Variants in FMN1 observed in about 807,000 individuals in gnomAD.
FMN1 encodes the protein formin 1, also known as formin-1.
Under a neutral mutation model 132.4 loss-of-function variants are expected in FMN1, and 110 were observed. That is an observed-to-expected ratio of 0.83 (90% CI 0.71 to 0.97). The LOEUF is 0.97. Among genes scored for constraint, FMN1 ranks in the 50% least tolerant of loss-of-function variants. The probability of loss-of-function intolerance (pLI) is 0.00; values close to 1 mark genes in which losing one functional copy is unlikely to be tolerated. For synonymous variants in FMN1, 722 were observed against 651.7 expected, an observed-to-expected ratio of 1.11 and a Z score of -1.64; for missense variants, 1,792 against 1,705.3, an observed-to-expected ratio of 1.05 and a Z score of -0.90.
intron 6 of FMN1, chr15:33,062,838 T>A (rs2037548666): frequency 6.6e-6 from 1 of 152,172 alleles, no homozygotes; most frequent in South Asian, 2.1e-4. Flanking sequence ...TATGAGAGAT[T>A]TTCTGAGATC....
intron 7 of FMN1, among the ~76,000 whole-genome samples, chr15:32,983,300 T>C (rs2032826785): frequency 6.6e-6 from 1 of 152,192 alleles, no homozygotes; most frequent in African/African-American, 2.4e-5. Flanking sequence ...TATGACGTTC[T>C]GGTAAAATCA....
chr15:33,029,522 A>T (rs2035837670), intron 6 of FMN1, among the ~76,000 whole-genome samples: 1 of 152,174 alleles, frequency 6.6e-6, no homozygotes, highest in Admixed American at 6.5e-5. Context: ...AAATCCACAC[A>T]GTGGCAGAAC....
At position 33,057,239 on chromosome 15, in the gene FMN1, A is replaced by G. The variant is rs985581686; in HGVS notation, c.2161+7718T>C. On this transcript the variant is annotated intron_variant, in intron 6 of 20. Coordinates refer to ENST00000616417, the MANE Select transcript of FMN1 (RefSeq NM_001277313.2). ...TTAGGATAGTGGTTTTCTTTGACGG[A>G]AAGGGAAATTGTAGCAATTGGAAGG... Among the ~76,000 whole-genome samples the G allele has an allele frequency of 1.4e-4, 22 of 152,158 alleles. 1 individual carries two copies. The highest frequency in any genetic ancestry group is 1.2e-3 in the Admixed American group (19 of 15,266).
At chr15:33,067,541 G>C (rs747551785) in intron 5 of FMN1, 1 of 1,613,972 alleles carries the variant, frequency 6.2e-7, no homozygotes, top group Admixed American at 1.7e-5. Context: ...AGCAAGGAGA[G>C]ATGTCCCTGC....
Position 33,186,489 on chromosome 15 carries a change from C to CA in FMN1, c.-196-6228dup, listed in dbSNP as rs34557769. On this transcript the variant is annotated intron_variant, in intron 2 of 20. Coordinates refer to ENST00000616417, the MANE Select transcript of FMN1 (RefSeq NM_001277313.2). Reference sequence around the variant, plus strand: ...AGTGCTGACAGTTTTAAATGTTCCTCAAAAAAAAAAATAAATAAAAGTGAA... The same window carrying CA: ...AGTGCTGACAGTTTTAAATGTTCCTCAAAAAAAAAAAATAAATAAAAGTGAA... Among the ~76,000 whole-genome samples, 703 of 148,132 alleles carry CA rather than the reference C, an allele frequency of 4.7e-3. 6 individuals carry two copies. The highest frequency in any genetic ancestry group is 0.012 in the African/African-American group (499 of 40,184).
At chr15:32,827,709 T>C (rs972996426) in intron 17 of FMN1, among the ~76,000 whole-genome samples, 1 of 152,000 alleles carries the variant, frequency 6.6e-6, no homozygotes, top group Non-Finnish European at 1.5e-5. Flanking sequence ...CCTGGCGTGG[T>C]GGCGGGCACC....
At chr15:32,842,090 T>C (rs2058757653) in intron 17 of FMN1, among the ~76,000 whole-genome samples, 1 of 152,218 alleles carries the variant, frequency 6.6e-6, no homozygotes, top group Non-Finnish European at 1.5e-5. Flanking sequence ...TGGACTGGAC[T>C]GTGACTTCTC....
chr15:32,786,414 G>A (rs2056879805), intron 19 of FMN1, among the ~76,000 whole-genome samples: 1 of 152,058 alleles, frequency 6.6e-6, no homozygotes, highest in African/African-American at 2.4e-5. Context: ...TGCTCTACCA[G>A]TCATTATCAG....
chr15:33,118,725 A>G (rs539092777), intron 4 of FMN1, among the ~76,000 whole-genome samples: 146 of 152,256 alleles, frequency 9.6e-4, no homozygotes, highest in South Asian at 3.1e-3. Flanking sequence ...AAATATTTTC[A>G]CCTATTTTGG....
chr15:32,807,071 C>T (rs187538352), intron 17 of FMN1, among the ~76,000 whole-genome samples: 1 of 152,268 alleles, frequency 6.6e-6, no homozygotes, highest in African/African-American at 2.4e-5. Context: ...TTAAAGCAAT[C>T]ATTTTAGCTT....
intron 4 of FMN1, among the ~76,000 whole-genome samples, chr15:33,102,099 A>C (rs1052317233): frequency 3.3e-5 from 5 of 152,136 alleles, no homozygotes; most frequent in Non-Finnish European, 7.4e-5. Context: ...TACTCTGTAC[A>C]TGTATGATAC....
chr15:33,160,800 A>G (rs8040565), intron 3 of FMN1, among the ~76,000 whole-genome samples: 16,803 of 152,086 alleles, frequency 0.11, 2,150 homozygotes, highest in African/African-American at 0.31. Context: ...CGTGTCTTCT[A>G]TTTCCTCTGA....
rs1000816278 is a variant in FMN1 at position 33,066,436 on chromosome 15, C to T, written c.2044-1362G>A. The T allele has an allele frequency of 1.0e-5, 13 of 1,260,504 alleles. No homozygotes were observed. In the African/African-American group the frequency reaches 2.0e-4, roughly 19 times the overall value. The allele number at this position is 1,260,504 out of a possible 1,614,324, so 78.1% of individuals were successfully genotyped here. On this transcript the variant is annotated intron_variant, in intron 5 of 20. Coordinates refer to ENST00000616417, the MANE Select transcript of FMN1 (RefSeq NM_001277313.2). The stretch of plus-strand genomic sequence containing the variant: ...ATCACTAACAGGCAACTAGGATTCA[C>T]TTTGGGAGGAAACCTGGAAAGAAAT...
At chr15:32,881,303 TG>T (rs1231087703) in intron 16 of FMN1, among the ~76,000 whole-genome samples, 2 of 152,202 alleles carry the variant, frequency 1.3e-5, no homozygotes, top group African/African-American at 4.8e-5. Context: ...TAGTAAAAGT[TG>T]GATTGCTTCT....
intron 16 of FMN1, 21 bp from the exon 17 acceptor site, chr15:32,857,128 T>C: frequency 1.9e-6 from 3 of 1,587,158 alleles, no homozygotes; most frequent in Non-Finnish European, 2.6e-6. Flanking sequence ...AAATTTAGAA[T>C]TAGACTTAGG....
At chr15:33,151,636 GT>G (rs1243144534) in intron 4 of FMN1, among the ~76,000 whole-genome samples, 2 of 152,188 alleles carry the variant, frequency 1.3e-5, no homozygotes, top group African/African-American at 4.8e-5. Flanking sequence ...TTAATGCACA[GT>G]TTCTGCAGTT....
At chr15:33,128,197 A>G (rs564494969) in intron 4 of FMN1, among the ~76,000 whole-genome samples, 57 of 152,224 alleles carry the variant, frequency 3.7e-4, no homozygotes, top group African/African-American at 1.1e-3. Flanking sequence ...TGCTCCCGGG[A>G]AAAAAAGCAA....
chr15:32,931,449 G>A (rs908269042), intron 9 of FMN1, among the ~76,000 whole-genome samples: 2 of 151,930 alleles, frequency 1.3e-5, no homozygotes, highest in Non-Finnish European at 2.9e-5. Flanking sequence ...TCATTTTTTT[G>A]GATGTTACTT....
intron 7 of FMN1, among the ~76,000 whole-genome samples, chr15:33,001,750 C>T (rs2140913539): frequency 7.3e-6 from 1 of 137,190 alleles, no homozygotes; most frequent in Non-Finnish European, 1.6e-5. Flanking sequence ...TACAAAGTCT[C>T]ACTCCCTCGC....
Sources: gnomAD v4.1 joint callset for allele counts (sites outside exome capture counted in the v4.1 genomes callset) on GRCh38, gnomAD v4.1.1 for gene constraint, MANE v1.5 for transcripts, NCBI Gene and HGNC (gene_info 2026-07-23, HGNC 2026-07-21) for gene names.